Variants in AHRR observed in about 807,000 individuals in gnomAD.
AHRR encodes the protein aryl hydrocarbon receptor repressor.
Under a neutral mutation model 44.0 loss-of-function variants are expected in AHRR, and 28 were observed. That is an observed-to-expected ratio of 0.64 (90% CI 0.47 to 0.87). AHRR has a LOEUF of 0.87. Among genes scored for constraint, AHRR ranks in the 40% least tolerant of loss-of-function variants. The pLI, the probability that AHRR is intolerant of heterozygous loss-of-function variation, is 0.00. For missense variants in AHRR, 990 were observed against 953.9 expected (o/e 1.04, Z -0.50); for synonymous variants, 434 against 407.0 (o/e 1.07, Z -0.80).
chr5:324,515 G>C (rs1204861413), intron 1 of AHRR, among the ~76,000 whole-genome samples: 1 of 151,632 alleles, frequency 6.6e-6, no homozygotes, highest in Non-Finnish European at 1.5e-5. Context: ...GCCAGGTGTG[G>C]TGGCTCACAC....
rs1038272512 is a variant in AHRR at position 339,446 on chromosome 5, T to A, written c.-10-4447T>A. On this transcript the variant is annotated intron_variant, in intron 1 of 10. Coordinates refer to ENST00000684583, the MANE Select transcript of AHRR (RefSeq NM_001377236.1). The stretch of plus-strand genomic sequence containing the variant: ...TTTTTGGAATTTTCTACATGTACAA[T>A]CATGTCTGCGAACAGATAGAGTTTT... 2.6e-5 allele frequency among the ~76,000 whole-genome samples: 4 copies of A among 152,348 alleles called. No homozygotes were observed. In the South Asian group the frequency reaches 8.3e-4, roughly 32 times the overall value.
intron 3 of AHRR, chr5:368,136 C>T: frequency 1.7e-6 from 1 of 595,032 alleles, no homozygotes; most frequent in Non-Finnish European, 3.0e-6. Context: ...TGAGCTGGCA[C>T]TCCTCGTTGA....
chr5:418,601 C>T (rs1317846864), intron 5 of AHRR: 1 of 152,342 alleles, frequency 6.6e-6, no homozygotes, highest in Admixed American at 6.5e-5. Flanking sequence ...TGCGGCTGCT[C>T]AGGGAGGGCA....
chr5:433,692 T>TG (rs57623448), intron 10 of AHRR, among the ~76,000 whole-genome samples, 161 bp from the exon 11 acceptor site: 39,940 of 152,022 alleles, frequency 0.26, 6,848 homozygotes, highest in Non-Finnish European at 0.39. Flanking sequence ...CCTGGGCTGC[T>TG]GGGGGGGTTA....
intron 2 of AHRR, among the ~76,000 whole-genome samples, chr5:345,070 ATGTGTGTGTGTGTG>A (rs150724632): frequency 5.9e-4 from 6 of 10,134 alleles, no homozygotes; most frequent in Non-Finnish European, 4.3e-4. Flanking sequence ...GTGTGTGGGG[ATGTGTGTGTGTGTG>A]TGTGTGTGTG....
At chr5:425,191 T>G (rs1226527818) in intron 7 of AHRR, among the ~76,000 whole-genome samples, 6 of 152,262 alleles carry the variant, frequency 3.9e-5, no homozygotes, top group Admixed American at 3.3e-4. Context: ...TCTGCCTGTT[T>G]CTGTGTCTTT....
chr5:426,677 G>A (rs1213403863), intron 7 of AHRR, among the ~76,000 whole-genome samples: 2 of 150,860 alleles, frequency 1.3e-5, no homozygotes, highest in African/African-American at 2.5e-5. Context: ...ATGGGTGGAC[G>A]GATGGATGGA....
At position 420,787 on chromosome 5, in the gene AHRR, C is replaced by A. The variant is rs999797422; in HGVS notation, c.442-1942C>A. ...GATTCCAGAAAGAGACACCTCCGCG[C>A]TGCACGCACGCAGCCACGCAGCCAC... On this transcript the variant is annotated intron_variant, in intron 5 of 10. Coordinates refer to ENST00000684583, the MANE Select transcript of AHRR (RefSeq NM_001377236.1). 1.5e-4 allele frequency: 25 copies of A among 167,752 alleles called. 1 individual carries two copies. The highest frequency in any genetic ancestry group is 2.5e-4 in the Non-Finnish European group (21 of 84,454). The allele number at this position is 167,752 out of a possible 1,614,324, so 10.4% of individuals were successfully genotyped here. A position where few individuals can be genotyped will look rare whatever the true frequency, so the allele number is the denominator to read the frequency against.
intron 7 of AHRR, 114 bp downstream of exon 7, chr5:424,091 G>A (rs1055349650): frequency 2.4e-5 from 34 of 1,425,496 alleles, no homozygotes; most frequent in Non-Finnish European, 3.1e-5. Flanking sequence ...CATGTCCCTG[G>A]TGGAGGGACG....
rs912232053 is a variant in AHRR, at chr5:404,882, G to A, written c.352-8462G>A. On this transcript the variant is annotated intron_variant, in intron 4 of 10. Transcript: ENST00000684583. This position sits in a 1 kb window ranked among gnomAD's most constrained non-coding sequence, Gnocchi z 4.1. ...CCTGCCATTCCTCCTTCGTGCCTTCGAGTAGCAGGCTCAGTCCATTTTGAG... is the reference window on the plus strand; with the variant it reads ...CCTGCCATTCCTCCTTCGTGCCTTCAAGTAGCAGGCTCAGTCCATTTTGAG... Among the ~76,000 whole-genome samples, 4 of 152,124 alleles carry A rather than the reference G, an allele frequency of 2.6e-5. No individual in the cohort carries two copies. The highest frequency in any genetic ancestry group is 9.7e-5 in the African/African-American group (4 of 41,422).
intron 4 of AHRR, among the ~76,000 whole-genome samples, chr5:393,172 C>T (rs576226687): frequency 2.0e-5 from 3 of 152,328 alleles, no homozygotes; most frequent in South Asian, 2.1e-4. Flanking sequence ...GGTTGATTTG[C>T]TGTTTCTCAG....
chr5:352,941 T>C (rs1414034470), intron 2 of AHRR, among the ~76,000 whole-genome samples: 4 of 151,898 alleles, frequency 2.6e-5, no homozygotes, highest in African/African-American at 9.7e-5. Flanking sequence ...ATGGGTCAGC[T>C]GTAGGGGATG....
chr5:427,194 T>A (rs1010906046), intron 7 of AHRR, among the ~76,000 whole-genome samples: 2 of 152,238 alleles, frequency 1.3e-5, no homozygotes. Flanking sequence ...GGAGTACCCC[T>A]GAAGGCCCTT....
chr5:432,935 A>AG lies in AHRR; in HGVS notation c.1106dup (p.Ser370LeufsTer40). ...GGCCCTGACCTTGTCCTTGACCCCAAGGGGGGCTCAGGGTAAGTGGTGCCA... is the reference window on the plus strand; with the variant it reads ...GGCCCTGACCTTGTCCTTGACCCCAAGGGGGGGCTCAGGGTAAGTGGTGCCA... On this transcript the variant is annotated frameshift_variant, in exon 10 of 11. Coordinates refer to ENST00000684583, the MANE Select transcript of AHRR (RefSeq NM_001377236.1). 4 of 1,605,204 alleles carry AG rather than the reference A, an allele frequency of 2.5e-6. No individual in the cohort carries two copies. Among genetic ancestry groups the AG allele is most frequent in the South Asian group, 1.1e-5 (1 of 89,958 alleles).
intron 4 of AHRR, among the ~76,000 whole-genome samples, chr5:400,092 C>A (rs1045712513): frequency 6.6e-6 from 1 of 152,264 alleles, no homozygotes; most frequent in Non-Finnish European, 1.5e-5. Flanking sequence ...GCTCCGTAAC[C>A]GTGGCAACGG....
chr5:422,642 T>G, intron 5 of AHRR, 87 bp from the exon 6 acceptor site: 1 of 1,578,084 alleles, frequency 6.3e-7, no homozygotes. Flanking sequence ...ACAAGTGGAG[T>G]GGAAATTTTT....
chr5:404,508 G>A lies in AHRR; in HGVS notation c.352-8836G>A, dbSNP rs11740668. On this transcript the variant is annotated intron_variant, in intron 4 of 10. Transcript: ENST00000684583. This position sits in a 1 kb window ranked among gnomAD's most constrained non-coding sequence, Gnocchi z 4.1. ...TAACGCAACTATTTTCAGACTTTAC[G>A]GTTTGTAGTGATAACCTCTTCAGAA... 171,246 of 429,522 alleles carry A rather than the reference G, an allele frequency of 0.4. 36,354 individuals carry two copies. The highest frequency in any genetic ancestry group is 0.5 in the Middle Eastern group (806 of 1,622). The allele number at this position is 429,522 out of a possible 1,614,324, so 26.6% of individuals were successfully genotyped here. A position where few individuals can be genotyped will look rare whatever the true frequency, so the allele number is the denominator to read the frequency against.
Position 408,195 on chromosome 5 carries a change from G to C in AHRR, c.352-5149G>C, listed in dbSNP as rs537791481. On this transcript the variant is annotated intron_variant, in intron 4 of 10. Coordinates refer to ENST00000684583, the MANE Select transcript of AHRR (RefSeq NM_001377236.1). ...ACAAAAGCAAGTGGCAGGCCATATT[G>C]GGCGCCATCCTGGGGGCCAGGGTTG... 2.6e-5 allele frequency among the ~76,000 whole-genome samples: 4 copies of C among 152,330 alleles called. No homozygotes were observed. In the East Asian group the frequency reaches 7.7e-4, roughly 29 times the overall value.
chr5:401,383 CTGGGTTGCT>C (rs1440012000), intron 4 of AHRR, among the ~76,000 whole-genome samples: 1 of 152,206 alleles, frequency 6.6e-6, no homozygotes, highest in East Asian at 1.9e-4. Flanking sequence ...GCCAGGCTTT[CTGGGTTGCT>C]CCCTGTCTGC....
Sources: gnomAD v4.1 joint callset for allele counts (sites outside exome capture counted in the v4.1 genomes callset) on GRCh38, gnomAD v4.1.1 for gene constraint, Gnocchi (gnomAD v3.1) non-coding constraint, MANE v1.5 for transcripts, NCBI Gene and HGNC (gene_info 2026-07-23, HGNC 2026-07-21) for gene names.